ST18: variants seen among roughly 807,000 people sequenced by gnomAD.
ST18 encodes the protein suppression of tumorigenicity 18 protein.
A neutral mutation model predicts 110.0 loss-of-function variants in ST18; 50 were observed. The observed-to-expected ratio is 0.45, with a 90% CI of 0.36 to 0.58. ST18 has a LOEUF of 0.58. ST18 is among the 20% of genes least tolerant of loss of function. The probability of loss-of-function intolerance (pLI) is 0.00; values close to 1 mark genes in which losing one functional copy is unlikely to be tolerated. For missense variants in ST18, 1,306 were observed against 1,280.1 expected (o/e 1.02, Z -0.31); for synonymous variants, 461 against 452.4 (o/e 1.02, Z -0.24).
chr8:52,386,073 A>T (rs571079061), intron 2 of ST18, among the ~76,000 whole-genome samples: 2 of 152,358 alleles, frequency 1.3e-5, no homozygotes, highest in East Asian at 3.9e-4. Context: ...ATGCACATAT[A>T]CGCAGACATT....
intron 10 of ST18, among the ~76,000 whole-genome samples, chr8:52,169,092 C>A (rs2133632674): frequency 1.3e-5 from 2 of 152,130 alleles, no homozygotes; most frequent in Admixed American, 1.3e-4. Context: ...TGGCTCCTGC[C>A]CAAGTGCAGC....
intron 8 of ST18, among the ~76,000 whole-genome samples, chr8:52,185,976 C>A (rs1205233953): frequency 6.6e-6 from 1 of 152,098 alleles, no homozygotes; most frequent in Non-Finnish European, 1.5e-5. Context: ...TCAGAAGTTG[C>A]CAACCAGTAA....
intron 4 of ST18, among the ~76,000 whole-genome samples, chr8:52,221,393 C>G (rs2136377612): frequency 6.6e-6 from 1 of 152,286 alleles, no homozygotes; most frequent in African/African-American, 2.4e-5. Context: ...CAATGAAATG[C>G]TTTGCCCTTG....
intron 22 of ST18, among the ~76,000 whole-genome samples, chr8:52,131,204 C>T (rs1204482314): frequency 6.6e-6 from 1 of 152,208 alleles, no homozygotes; most frequent in Admixed American, 6.5e-5. Context: ...AAAACATTAA[C>T]GGTTTCCTAA....
chr8:52,211,377 AATTATTATT>A (rs3054637), intron 8 of ST18, among the ~76,000 whole-genome samples: 16,036 of 138,368 alleles, frequency 0.12, 1,103 homozygotes, highest in Middle Eastern at 0.21. Flanking sequence ...GGAATCATCT[AATTATTATT>A]ATTATTATTA....
At chr8:52,391,463 G>A (rs751269414) in intron 2 of ST18, among the ~76,000 whole-genome samples, 2 of 152,146 alleles carry the variant, frequency 1.3e-5, no homozygotes, top group African/African-American at 2.4e-5. Context: ...TTTCAGTCGC[G>A]CGTCTCACAA....
At chr8:52,134,491 C>G (rs1237757043) in intron 19 of ST18, among the ~76,000 whole-genome samples, 1 of 152,084 alleles carries the variant, frequency 6.6e-6, no homozygotes. Flanking sequence ...TTGAGAAAAA[C>G]AATAATCCAA....
chr8:52,318,218 C>T (rs866486769), intron 2 of ST18, among the ~76,000 whole-genome samples: 1 of 151,956 alleles, frequency 6.6e-6, no homozygotes, highest in Non-Finnish European at 1.5e-5. Flanking sequence ...AAACAAACAA[C>T]CCCGTTAAAA....
At chr8:52,138,846 A>G (rs2053608960) in intron 17 of ST18, among the ~76,000 whole-genome samples, 1 of 152,178 alleles carries the variant, frequency 6.6e-6, no homozygotes, top group South Asian at 2.1e-4. Context: ...ATCCAGATAT[A>G]CAGAATACAT....
chr8:52,309,835 C>T (rs1384440318), intron 2 of ST18, among the ~76,000 whole-genome samples: 1 of 152,028 alleles, frequency 6.6e-6, no homozygotes, highest in African/African-American at 2.4e-5. Flanking sequence ...CCAGAGTCAG[C>T]AGCTCAATCT....
chr8:52,306,463 C>T lies in ST18; in HGVS notation c.-464-76386G>A, dbSNP rs191455201. 3.0e-4 allele frequency among the ~76,000 whole-genome samples: 46 copies of T among 152,150 alleles called. 1 individual carries two copies. Among genetic ancestry groups the T allele is most frequent in the Middle Eastern group, 3.4e-3 (1 of 294 alleles). ...GTGAGTTTGTTGAAAAAAACAAATA[C>T]ATGAAGAAATAAATACATGAAAACA... On this transcript the variant is annotated intron_variant, in intron 2 of 25. Transcript: ENST00000689386.
intron 2 of ST18, among the ~76,000 whole-genome samples, chr8:52,321,741 T>C (rs1804012199): frequency 6.6e-6 from 1 of 152,200 alleles, no homozygotes; most frequent in Non-Finnish European, 1.5e-5. Context: ...TTTTAAGTAA[T>C]TAAGTCAGAA....
chr8:52,159,166 G>A, intron 14 of ST18, 57 bp from the exon 15 acceptor site: 1 of 1,509,514 alleles, frequency 6.6e-7, no homozygotes, highest in Non-Finnish European at 9.0e-7. Flanking sequence ...TCATTAAACA[G>A]ATTTGTTTTT....
At chr8:52,255,817 A>T (rs1225354829) in intron 2 of ST18, among the ~76,000 whole-genome samples, 1 of 152,240 alleles carries the variant, frequency 6.6e-6, no homozygotes. Context: ...AATCTCAGAC[A>T]CTGTTCAAGG....
At chr8:52,375,271 C>A (rs1831860083) in intron 2 of ST18, among the ~76,000 whole-genome samples, 1 of 152,108 alleles carries the variant, frequency 6.6e-6, no homozygotes, top group South Asian at 2.1e-4. Context: ...CTGCAGCCGT[C>A]AACTCTTTTA....
At chr8:52,125,093 T>G (rs1009122817) in intron 23 of ST18, among the ~76,000 whole-genome samples, 4 of 152,170 alleles carry the variant, frequency 2.6e-5, no homozygotes, top group African/African-American at 9.7e-5. Context: ...AGGCCCCAGA[T>G]AATGCTCATT....
At chr8:52,291,397 A>C (rs2139351231) in intron 2 of ST18, among the ~76,000 whole-genome samples, 1 of 152,318 alleles carries the variant, frequency 6.6e-6, no homozygotes, top group East Asian at 1.9e-4. Context: ...TTTACTTTGA[A>C]AAAGTAAAAT....
rs575925247 is a variant in ST18 at position 52,196,051 on chromosome 8, G to A, written c.87-15739C>T. On this transcript the variant is annotated intron_variant, in intron 8 of 25. Transcript: ENST00000689386. Reference sequence around the variant, plus strand: ...TTTGAAATAGCAATCACGTTACCAAGCAGAAATTTTATTAGCAGAATATGC... The same window carrying A: ...TTTGAAATAGCAATCACGTTACCAAACAGAAATTTTATTAGCAGAATATGC... Among the ~76,000 whole-genome samples, 45 of 152,230 alleles carry A rather than the reference G, an allele frequency of 3.0e-4. 1 individual carries two copies. In the South Asian group the frequency reaches 4.8e-3, roughly 16 times the overall value.
At chr8:52,309,308 G>A (rs1005693750) in intron 2 of ST18, among the ~76,000 whole-genome samples, 18 of 152,136 alleles carry the variant, frequency 1.2e-4, no homozygotes, top group Non-Finnish European at 2.1e-4. Flanking sequence ...GTCACCTGAG[G>A]TCAGGATTTC....
Sources: gnomAD v4.1 joint callset for allele counts (sites outside exome capture counted in the v4.1 genomes callset) on GRCh38, gnomAD v4.1.1 for gene constraint, MANE v1.5 for transcripts, NCBI Gene and HGNC (gene_info 2026-07-23, HGNC 2026-07-21) for gene names.